The following ACBD6 variants were observed in gnomAD, a reference collection of about 807,000 sequenced individuals.
ACBD6 encodes acyl-CoA-binding domain-containing protein 6.
Under a neutral mutation model 37.2 loss-of-function variants are expected in ACBD6, and 28 were observed. The ratio of observed to expected loss-of-function variants is 0.75; its 90% CI spans 0.56 to 1.03. The LOEUF is 1.03. Among genes scored for constraint, ACBD6 ranks in the 50% least tolerant of loss-of-function variants. ACBD6 has a pLI of 0.00. For synonymous variants in ACBD6, 113 were observed against 126.8 expected (o/e 0.89, Z 0.73); for missense variants, 340 against 337.4 (o/e 1.01, Z -0.06).
At chr1:180,375,067 A>G (rs1653384307) in intron 6 of ACBD6, among the ~76,000 whole-genome samples, 2 of 152,296 alleles carry the variant, frequency 1.3e-5, no homozygotes, top group South Asian at 4.1e-4. Flanking sequence ...CAATAAAAAT[A>G]CCAATAAGCT....
At chr1:180,487,994 A>G (rs1451246167) in intron 3 of ACBD6, among the ~76,000 whole-genome samples, 3 of 152,198 alleles carry the variant, frequency 2.0e-5, no homozygotes, top group African/African-American at 7.2e-5. Context: ...GGACCACTGC[A>G]TAAGAAAAGG....
chr1:180,310,871 T>A (rs1650564484), intron 7 of ACBD6, among the ~76,000 whole-genome samples: 1 of 152,216 alleles, frequency 6.6e-6, no homozygotes, highest in South Asian at 2.1e-4. Context: ...TGAAGTTGTA[T>A]CTAAATGTTT....
At chr1:180,493,710 G>C (rs1420312227) in intron 2 of ACBD6, among the ~76,000 whole-genome samples, 2 of 152,094 alleles carry the variant, frequency 1.3e-5, no homozygotes, top group South Asian at 4.1e-4. Context: ...AGATTTTCCT[G>C]ATTGTCCCAA....
intron 6 of ACBD6, among the ~76,000 whole-genome samples, chr1:180,321,451 T>A (rs970535306): frequency 6.6e-6 from 1 of 152,178 alleles, no homozygotes; most frequent in Non-Finnish European, 1.5e-5. Context: ...CTTTGTGTGT[T>A]CCCTTCAATT....
intron 6 of ACBD6, among the ~76,000 whole-genome samples, chr1:180,335,560 C>A (rs1320172242): frequency 6.6e-6 from 1 of 152,044 alleles, no homozygotes; most frequent in South Asian, 2.1e-4. Context: ...CAAAAACATG[C>A]CAAATTGTAA....
At chr1:180,374,591 C>T (rs1653368942) in intron 6 of ACBD6, among the ~76,000 whole-genome samples, 1 of 152,152 alleles carries the variant, frequency 6.6e-6, no homozygotes, top group Non-Finnish European at 1.5e-5. Flanking sequence ...ACCTGACCTG[C>T]CTATTCTTAA....
chr1:180,292,850 C>G (rs987383499), intron 7 of ACBD6, among the ~76,000 whole-genome samples: 2 of 152,298 alleles, frequency 1.3e-5, no homozygotes, highest in Admixed American at 1.3e-4. Context: ...ACGATATTAA[C>G]TGTCGATTTT....
chr1:180,394,280 G>T (rs1335147100), intron 6 of ACBD6, among the ~76,000 whole-genome samples: 1 of 151,814 alleles, frequency 6.6e-6, no homozygotes, highest in African/African-American at 2.4e-5. Flanking sequence ...TGTGGAGATG[G>T]GGTCTCACTA....
intron 3 of ACBD6, among the ~76,000 whole-genome samples, chr1:180,478,432 G>C (rs1650885617): frequency 6.6e-6 from 1 of 151,476 alleles, no homozygotes; most frequent in Non-Finnish European, 1.5e-5. Flanking sequence ...ACCTAGACAA[G>C]GAATTTTGGA....
chr1:180,491,960 C>T (rs1313482160), intron 3 of ACBD6, among the ~76,000 whole-genome samples: 1 of 152,092 alleles, frequency 6.6e-6, no homozygotes, highest in East Asian at 1.9e-4. Context: ...CAGGTGTGTA[C>T]CACCACGTCC....
intron 3 of ACBD6, among the ~76,000 whole-genome samples, chr1:180,474,842 C>T (rs1466811470): frequency 6.6e-6 from 1 of 152,198 alleles, no homozygotes; most frequent in Non-Finnish European, 1.5e-5. Flanking sequence ...AATCAACAGA[C>T]TTTCAGGATC....
chr1:180,474,464 A>G (rs1316848343), intron 3 of ACBD6, among the ~76,000 whole-genome samples: 1 of 152,116 alleles, frequency 6.6e-6, no homozygotes, highest in Non-Finnish European at 1.5e-5. Flanking sequence ...AAAAAAAAAA[A>G]TCTTCTAAAA....
chr1:180,493,482 T>C (rs1362797006), intron 2 of ACBD6, among the ~76,000 whole-genome samples: 1 of 152,086 alleles, frequency 6.6e-6, no homozygotes, highest in Admixed American at 6.6e-5. Context: ...ATTTCCCTGA[T>C]TTGCTGTCAA....
intron 3 of ACBD6, among the ~76,000 whole-genome samples, chr1:180,454,444 C>T (rs1397686023): frequency 6.6e-6 from 1 of 152,152 alleles, no homozygotes; most frequent in East Asian, 1.9e-4. Context: ...CTAGCCAATA[C>T]CATTCAGGAC....
intron 6 of ACBD6, among the ~76,000 whole-genome samples, chr1:180,319,918 A>G (rs1650992979): frequency 6.6e-6 from 1 of 152,192 alleles, no homozygotes; most frequent in Non-Finnish European, 1.5e-5. Flanking sequence ...ATGGACACTT[A>G]GGTTGCCTCC....
chr1:180,364,916 A>G (rs1429821791), intron 6 of ACBD6, among the ~76,000 whole-genome samples: 1 of 151,834 alleles, frequency 6.6e-6, no homozygotes, highest in African/African-American at 2.4e-5. Context: ...TGTAGTTTTA[A>G]TAGAGACAGG....
intron 6 of ACBD6, among the ~76,000 whole-genome samples, chr1:180,356,308 A>G (rs1003061375): frequency 6.6e-6 from 1 of 151,956 alleles, no homozygotes; most frequent in Non-Finnish European, 1.5e-5. Context: ...AGTAGCTGAA[A>G]CTACAGGTGT....
chr1:180,459,548 G>A (rs143668300), intron 3 of ACBD6, among the ~76,000 whole-genome samples: 55 of 152,252 alleles, frequency 3.6e-4, no homozygotes, highest in Admixed American at 1.8e-3. Context: ...ACTAGGACAA[G>A]GGCTCTCACT....
In ACBD6 at chr1:180,310,175, C is replaced by A. The variant is rs149120357; in HGVS notation, c.694+4517G>T. 2.6e-5 allele frequency among the ~76,000 whole-genome samples: 4 copies of A among 152,204 alleles called. No individual in the cohort carries two copies. The East Asian group carries it at 7.7e-4, about 29-fold the overall frequency. On this transcript the variant is annotated intron_variant, in intron 7 of 7. Transcript: ENST00000367595. ...TGGAGGCCAAGAATTTGAGACCAGCCTGGGCTAGATCCTGTCTCAACAAAA... is the reference window on the plus strand; with the variant it reads ...TGGAGGCCAAGAATTTGAGACCAGCATGGGCTAGATCCTGTCTCAACAAAA...
Sources: allele counts gnomAD v4.1 joint callset (sites outside exome capture counted in the v4.1 genomes callset), GRCh38; gene constraint gnomAD v4.1.1; transcripts MANE v1.5; gene names NCBI Gene and HGNC (gene_info 2026-07-23, HGNC 2026-07-21).